The following LRP1B variants were observed in gnomAD, a reference collection of about 807,000 sequenced individuals.
The protein encoded by LRP1B is LDL receptor related protein 1B.
In LRP1B, 217 loss-of-function variants were observed where a neutral mutation model predicts 556.6. That is an observed-to-expected ratio of 0.39 (90% confidence interval 0.35 to 0.44). The LOEUF (loss-of-function observed/expected upper bound fraction) is 0.44, where lower values mean the gene tolerates loss of function less well. Ranked by LOEUF, LRP1B falls within the 20% of genes least tolerant of loss-of-function variation. The probability of loss-of-function intolerance (pLI) is 1.00; values close to 1 mark genes in which losing one functional copy is unlikely to be tolerated. For synonymous variants in LRP1B, 2,047 were observed against 1,865.8 expected (o/e 1.10, Z -2.50); for missense variants, 5,053 against 5,620.8 (o/e 0.90, Z 3.23).
At chr2:141,979,892 G>A (rs1238256040) in intron 1 of LRP1B, among the ~76,000 whole-genome samples, 1 of 151,958 alleles carries the variant, frequency 6.6e-6, no homozygotes, top group Non-Finnish European at 1.5e-5. Context: ...ATTATCAGAA[G>A]AATATTAATT....
chr2:140,485,249 T>C (rs2105362112), intron 59 of LRP1B, 94 bp downstream of exon 59: 2 of 896,576 alleles, frequency 2.2e-6, no homozygotes, highest in South Asian at 5.3e-5. Flanking sequence ...ACACGTTACA[T>C]TGGATTTCCA....
chr2:141,462,096 A>G (rs534516478), intron 3 of LRP1B, among the ~76,000 whole-genome samples: 2 of 152,240 alleles, frequency 1.3e-5, no homozygotes, highest in African/African-American at 2.4e-5. Flanking sequence ...GTATAAATCA[A>G]TTTTCCTCCT....
rs180884377 is a variant in LRP1B, at chr2:140,427,889, G to A, written c.10414+14615C>T. On this transcript the variant is annotated intron_variant, in intron 66 of 90. Coordinates refer to ENST00000389484, the MANE Select transcript of LRP1B (RefSeq NM_018557.3). ...TTTTATCACCTCCCTTCCTCACACG[G>A]GGTCCGGCTTACAGTTTCATGCCGT... 4.3e-3 allele frequency among the ~76,000 whole-genome samples: 656 copies of A among 152,046 alleles called. 7 individuals are homozygous for A. Among genetic ancestry groups the A allele is most frequent in the Non-Finnish European group, 4.7e-3 (317 of 68,010 alleles).
intron 9 of LRP1B, among the ~76,000 whole-genome samples, chr2:141,055,983 G>C (rs1229961527): frequency 6.6e-6 from 1 of 151,588 alleles, no homozygotes; most frequent in Non-Finnish European, 1.5e-5. Context: ...AAAGTGAAAA[G>C]AAATAATAGG....
intron 41 of LRP1B, among the ~76,000 whole-genome samples, chr2:140,682,497 T>C (rs1191793755): frequency 6.6e-6 from 1 of 152,202 alleles, no homozygotes; most frequent in Non-Finnish European, 1.5e-5. Flanking sequence ...TCCTGGACAC[T>C]TGCCTTGGGC....
chr2:140,989,480 A>G, intron 17 of LRP1B, 52 bp downstream of exon 17: 4 of 1,602,826 alleles, frequency 2.5e-6, no homozygotes, highest in East Asian at 2.2e-5. Context: ...TTGCATTTTT[A>G]TTAAGACTAA....
chr2:140,820,775 T>C (rs1181907390), intron 31 of LRP1B, among the ~76,000 whole-genome samples: 3 of 152,156 alleles, frequency 2.0e-5, no homozygotes, highest in African/African-American at 7.2e-5. Flanking sequence ...CAATGCTAAA[T>C]ATTTCCTTAT....
At chr2:141,939,302 A>G (rs1289765924) in intron 1 of LRP1B, among the ~76,000 whole-genome samples, 2 of 152,096 alleles carry the variant, frequency 1.3e-5, no homozygotes, top group Non-Finnish European at 2.9e-5. Flanking sequence ...TACATGGCAA[A>G]GGCATAAATA....
chr2:141,335,105 A>G (rs1238826488), intron 3 of LRP1B, among the ~76,000 whole-genome samples: 1 of 152,228 alleles, frequency 6.6e-6, no homozygotes, highest in Admixed American at 6.5e-5. Flanking sequence ...CCTTTTTAAC[A>G]TAGCAGTGAA....
chr2:141,613,808 C>A (rs1688192169), intron 2 of LRP1B, among the ~76,000 whole-genome samples: 1 of 152,014 alleles, frequency 6.6e-6, no homozygotes, highest in African/African-American at 2.4e-5. Flanking sequence ...TATGGCAGCT[C>A]ATGCATGTAA....
At chr2:141,496,577 G>T (rs1479275272) in intron 2 of LRP1B, among the ~76,000 whole-genome samples, 1 of 151,996 alleles carries the variant, frequency 6.6e-6, no homozygotes, top group African/African-American at 2.4e-5. Flanking sequence ...GCTTACAGAA[G>T]AACATGCACA....
chr2:141,827,781 C>G (rs946372074), intron 1 of LRP1B, among the ~76,000 whole-genome samples: 1 of 152,016 alleles, frequency 6.6e-6, no homozygotes, highest in Non-Finnish European at 1.5e-5. Flanking sequence ...ATTCATCATA[C>G]TTTCTTTAAA....
chr2:142,129,584 TTCTC>T (rs56034357), intron 1 of LRP1B, among the ~76,000 whole-genome samples: 14,619 of 134,062 alleles, frequency 0.11, 785 homozygotes, highest in Non-Finnish European at 0.14. Flanking sequence ...CTTTCTCTCT[TTCTC>T]TCTCTCTCTC....
At chr2:141,755,338 A>G (rs1694277166) in intron 2 of LRP1B, among the ~76,000 whole-genome samples, 1 of 152,084 alleles carries the variant, frequency 6.6e-6, no homozygotes, top group Non-Finnish European at 1.5e-5. Flanking sequence ...CAATTTACAT[A>G]CCCCAATTGA....
intron 3 of LRP1B, among the ~76,000 whole-genome samples, chr2:141,369,395 G>T (rs1220365522): frequency 1.3e-5 from 2 of 152,040 alleles, no homozygotes; most frequent in Non-Finnish European, 2.9e-5. Flanking sequence ...TCTTCATGAA[G>T]TTGAAAATTC....
chr2:140,362,989 C>G (rs541185764), intron 72 of LRP1B, among the ~76,000 whole-genome samples: 2 of 151,634 alleles, frequency 1.3e-5, no homozygotes, highest in Non-Finnish European at 2.9e-5. Context: ...ATGAATGACA[C>G]CTTTTCTCAT....
chr2:140,570,462 A>T (rs1681283799), intron 43 of LRP1B, among the ~76,000 whole-genome samples: 1 of 151,696 alleles, frequency 6.6e-6, no homozygotes, highest in South Asian at 2.1e-4. Context: ...AAAACCTACC[A>T]ACACTGAACC....
At chr2:141,739,301 A>G (rs1010939501) in intron 2 of LRP1B, among the ~76,000 whole-genome samples, 3 of 152,258 alleles carry the variant, frequency 2.0e-5, no homozygotes, top group East Asian at 1.9e-4. Flanking sequence ...TAAACATTTC[A>G]TTAAACAAAA....
At chr2:140,613,524 A>G (rs564457073) in intron 41 of LRP1B, among the ~76,000 whole-genome samples, 113 of 150,368 alleles carry the variant, frequency 7.5e-4, no homozygotes, top group African/African-American at 2.6e-3. Context: ...TTGTGACTCC[A>G]ACTATAAGAA....
Sources: allele counts gnomAD v4.1 joint callset (sites outside exome capture counted in the v4.1 genomes callset), GRCh38; gene constraint gnomAD v4.1.1; transcripts MANE v1.5; gene names NCBI Gene and HGNC (gene_info 2026-07-23, HGNC 2026-07-21).